ARHGAP44: variants seen among roughly 807,000 people sequenced by gnomAD.
The protein encoded by ARHGAP44 is Rho GTPase activating protein 44.
ARHGAP44 carries 43 observed loss-of-function variants against 106.8 expected under a neutral mutation model. That is an observed-to-expected ratio of 0.40 (90% confidence interval 0.32 to 0.52). ARHGAP44 has a LOEUF of 0.52. ARHGAP44 is among the 20% of genes least tolerant of loss of function. The probability of loss-of-function intolerance (pLI) is 0.48; values close to 1 mark genes in which losing one functional copy is unlikely to be tolerated. For missense variants in ARHGAP44, 866 were observed against 1,050.5 expected, an observed-to-expected ratio of 0.82 and a Z score of 2.43; for synonymous variants, 439 against 410.3, an observed-to-expected ratio of 1.07 and a Z score of -0.85.
intron 1 of ARHGAP44, among the ~76,000 whole-genome samples, chr17:12,885,825 A>C (rs2036866428): frequency 1.3e-5 from 2 of 152,136 alleles, no homozygotes; most frequent in South Asian, 4.1e-4. Context: ...ATCTTTTAAC[A>C]GTGTCTTTCA....
At chr17:12,963,237 G>A (rs1190872143) in intron 16 of ARHGAP44, among the ~76,000 whole-genome samples, 2 of 151,992 alleles carry the variant, frequency 1.3e-5, no homozygotes, top group African/African-American at 2.4e-5. Context: ...CTTTCCCTTC[G>A]AGTCTGAGTT....
intron 1 of ARHGAP44, among the ~76,000 whole-genome samples, chr17:12,878,460 G>A (rs771348836): frequency 2.6e-5 from 4 of 152,156 alleles, no homozygotes; most frequent in Non-Finnish European, 4.4e-5. Flanking sequence ...AAAAAGATAT[G>A]ACTTGTACCC....
At chr17:12,976,876 G>T (rs1174715616) in intron 18 of ARHGAP44, among the ~76,000 whole-genome samples, 2 of 152,160 alleles carry the variant, frequency 1.3e-5, no homozygotes, top group Admixed American at 6.6e-5. Context: ...GGCCGACCAG[G>T]AGGAAACGGA....
intron 1 of ARHGAP44, among the ~76,000 whole-genome samples, chr17:12,805,670 C>T (rs999982210): frequency 6.6e-5 from 10 of 152,190 alleles, no homozygotes; most frequent in Admixed American, 5.2e-4. Context: ...GATGGTCCTT[C>T]GTTAAACAGA....
At chr17:12,852,120 A>G (rs2150849694) in intron 1 of ARHGAP44, among the ~76,000 whole-genome samples, 1 of 147,676 alleles carries the variant, frequency 6.8e-6, no homozygotes, top group East Asian at 2.1e-4. Flanking sequence ...AGGCTATCTG[A>G]ACCTTATCAG....
At chr17:12,871,337 A>G (rs753130867) in intron 1 of ARHGAP44, among the ~76,000 whole-genome samples, 2 of 152,142 alleles carry the variant, frequency 1.3e-5, no homozygotes, top group Non-Finnish European at 2.9e-5. Context: ...TGGTACTTGT[A>G]TTAGTCCATT....
intron 1 of ARHGAP44, among the ~76,000 whole-genome samples, chr17:12,806,782 T>C (rs2034286873): frequency 6.6e-6 from 1 of 152,242 alleles, no homozygotes; most frequent in Non-Finnish European, 1.5e-5. Context: ...TGTTCAAAGA[T>C]AAACTTAGAC....
intron 14 of ARHGAP44, 60 bp downstream of exon 14, chr17:12,956,040 G>T (rs2039118973): frequency 4.6e-6 from 6 of 1,312,308 alleles, no homozygotes; most frequent in Non-Finnish European, 6.6e-6. Context: ...GCCTGAGCAG[G>T]GTGGGCAGGA....
intron 1 of ARHGAP44, among the ~76,000 whole-genome samples, chr17:12,857,034 T>C (rs2035931147): frequency 6.6e-6 from 1 of 152,208 alleles, no homozygotes; most frequent in Non-Finnish European, 1.5e-5. Context: ...TGCCACATTT[T>C]AGATATATAT....
chr17:12,865,532 G>A (rs1235649491), intron 1 of ARHGAP44, among the ~76,000 whole-genome samples: 1 of 152,178 alleles, frequency 6.6e-6, no homozygotes, highest in African/African-American at 2.4e-5. Context: ...GCTCACGCCT[G>A]TAATCCCAGC....
intron 7 of ARHGAP44, among the ~76,000 whole-genome samples, chr17:12,938,449 T>TA (rs1366681316): frequency 1.3e-5 from 2 of 151,414 alleles, no homozygotes; most frequent in South Asian, 2.1e-4. Flanking sequence ...TATAGATCAG[T>TA]AAAAAAAAGA....
chr17:12,976,835 A>G (rs968342091), intron 18 of ARHGAP44, among the ~76,000 whole-genome samples: 1 of 151,942 alleles, frequency 6.6e-6, no homozygotes, highest in Non-Finnish European at 1.5e-5. Context: ...TTCATTGGAG[A>G]AGCAGAGTCT....
intron 1 of ARHGAP44, among the ~76,000 whole-genome samples, chr17:12,878,603 C>T (rs1411483596): frequency 1.3e-5 from 2 of 152,146 alleles, no homozygotes; most frequent in Non-Finnish European, 2.9e-5. Context: ...AAATACCAGC[C>T]TTCCTAAAAA....
intron 1 of ARHGAP44, among the ~76,000 whole-genome samples, chr17:12,836,468 C>T (rs1173277347): frequency 2.0e-5 from 3 of 151,414 alleles, no homozygotes; most frequent in Non-Finnish European, 2.9e-5. Flanking sequence ...GCCAACATGG[C>T]GGAACACTGT....
intron 19 of ARHGAP44, among the ~76,000 whole-genome samples, chr17:12,980,538 C>G (rs568141061): frequency 1.3e-5 from 2 of 152,270 alleles, no homozygotes; most frequent in Admixed American, 1.3e-4. Flanking sequence ...ACCTGCCGGG[C>G]CCTACCTCTG....
chr17:12,940,455 A>G (rs1261662181), intron 7 of ARHGAP44, among the ~76,000 whole-genome samples: 1 of 152,198 alleles, frequency 6.6e-6, no homozygotes, highest in Non-Finnish European at 1.5e-5. Context: ...GGACAACTGA[A>G]TATAGTGAAG....
At chr17:12,888,120 C>T (rs1409786113) in intron 1 of ARHGAP44, among the ~76,000 whole-genome samples, 1 of 151,872 alleles carries the variant, frequency 6.6e-6, no homozygotes, top group Non-Finnish European at 1.5e-5. Flanking sequence ...TTATTTTCTT[C>T]CCTTATGCTA....
chr17:12,802,844 C>G (rs552269543), intron 1 of ARHGAP44, among the ~76,000 whole-genome samples: 2 of 138,130 alleles, frequency 1.4e-5, no homozygotes, highest in Non-Finnish European at 3.1e-5. Flanking sequence ...CTGCAACCTC[C>G]GCCTCCCGGG....
intron 5 of ARHGAP44, 100 bp from the exon 6 acceptor site, chr17:12,919,655 G>A: frequency 1.0e-6 from 1 of 984,008 alleles, no homozygotes. Context: ...CAAAGTGCTG[G>A]GATTAGAGGC....
Sources: gnomAD v4.1 joint callset for allele counts (sites outside exome capture counted in the v4.1 genomes callset) on GRCh38, gnomAD v4.1.1 for gene constraint, MANE v1.5 for transcripts, NCBI Gene and HGNC (gene_info 2026-07-23, HGNC 2026-07-21) for gene names.